PCDHGB1: variants seen among roughly 807,000 people sequenced by gnomAD.
The protein encoded by PCDHGB1 is protocadherin gamma-B1.
In PCDHGB1, 34 loss-of-function variants were observed where a neutral mutation model predicts 56.6. The ratio of observed to expected loss-of-function variants is 0.60; its 90% CI spans 0.46 to 0.80. PCDHGB1 has a LOEUF of 0.80. Among genes scored for constraint, PCDHGB1 ranks in the 30% least tolerant of loss-of-function variants. PCDHGB1 has a pLI of 0.00. For synonymous variants in PCDHGB1, 561 were observed against 505.9 expected, an observed-to-expected ratio of 1.11 and a Z score of -1.46; for missense variants, 1,278 against 1,204.6, an observed-to-expected ratio of 1.06 and a Z score of -0.90.
At chr5:141,430,379 T>C (rs1174248880) in intron 1 of PCDHGB1, among the ~76,000 whole-genome samples, 1 of 149,570 alleles carries the variant, frequency 6.7e-6, no homozygotes, top group Non-Finnish European at 1.5e-5. Flanking sequence ...AAAAAGCTCA[T>C]TGGGAAAAAA....
At chr5:141,392,127 A>G (rs2092470129) in intron 1 of PCDHGB1, 1 of 152,236 alleles carries the variant, frequency 6.6e-6, no homozygotes, top group Admixed American at 6.5e-5. Flanking sequence ...AGCTTGTAAA[A>G]TGATTAAGTA....
chr5:141,414,435 C>T lies in PCDHGB1; in HGVS notation c.2409+61766C>T, dbSNP rs891322256. 4.3e-6 allele frequency: 7 copies of T among 1,613,678 alleles called. No homozygotes were observed. In the African/African-American group the frequency reaches 8.0e-5, roughly 18 times the overall value. On this transcript the variant is annotated intron_variant, in intron 1 of 3. Coordinates refer to ENST00000523390, the MANE Select transcript of PCDHGB1 (RefSeq NM_018922.3). ...GAGCCCTTGACAGGGAACAGGTATC[C>T]TCTTACAATATCACAGTGACAGCCA...
intron 1 of PCDHGB1, chr5:141,367,882 A>C (rs1403559847): frequency 6.6e-6 from 1 of 152,094 alleles, no homozygotes; most frequent in Non-Finnish European, 1.5e-5. Context: ...ATTCTTCTTT[A>C]TTACTTGAGT....
intron 1 of PCDHGB1, chr5:141,362,618 A>G: frequency 6.5e-7 from 1 of 1,536,872 alleles, no homozygotes; most frequent in Non-Finnish European, 8.8e-7. Flanking sequence ...TTGGGTAGGA[A>G]GTTCCACTGC....
At chr5:141,366,305 A>C in intron 1 of PCDHGB1, 2 of 1,613,708 alleles carry the variant, frequency 1.2e-6, no homozygotes, top group South Asian at 1.1e-5. Flanking sequence ...AGCCACCTTC[A>C]CGGTCACCGT....
intron 1 of PCDHGB1, chr5:141,364,745 A>G: frequency 6.2e-7 from 1 of 1,613,986 alleles, no homozygotes; most frequent in Non-Finnish European, 8.5e-7. Context: ...TGAAGAGTTA[A>G]AAGTAAAAGT....
At chr5:141,382,108 G>T (rs1323592761) in intron 1 of PCDHGB1, among the ~76,000 whole-genome samples, 2 of 152,024 alleles carry the variant, frequency 1.3e-5, no homozygotes, top group African/African-American at 4.8e-5. Flanking sequence ...GATTACAGGC[G>T]TGAGCAACAG....
intron 1 of PCDHGB1, chr5:141,441,982 G>T: frequency 3.6e-6 from 1 of 277,096 alleles, no homozygotes; most frequent in South Asian, 3.6e-5. Flanking sequence ...CCTGGAATGC[G>T]CACCGACGAG....
rs1255326344 is a variant in PCDHGB1, at chr5:141,431,636, A to G, written c.2410-63171A>G. 6.2e-7 allele frequency: 1 copy of G among 1,614,254 alleles called. No homozygotes were observed. ...GGACGACAAGGCGGCCCAAGTTTTC[A>G]AACTAGATTGTAATTCAGGGACAAT... On this transcript the variant is annotated intron_variant, in intron 1 of 3. Transcript: ENST00000523390. This position sits in a 1 kb window ranked among gnomAD's most constrained non-coding sequence, Gnocchi z 4.8.
At position 141,365,619 on chromosome 5, in the gene PCDHGB1, C is replaced by T. The variant is rs373801138; in HGVS notation, c.2409+12950C>T. The T allele has an allele frequency of 2.5e-6, 4 of 1,613,488 alleles. No homozygotes were observed. The African/African-American group carries it at 4.0e-5, about 16-fold the overall frequency. Reference sequence around the variant, plus strand: ...TTAACCGTCATGGACCATGGAACCCCGCCCCTCTCTACAGAAAGCCACATC... The same window carrying T: ...TTAACCGTCATGGACCATGGAACCCTGCCCCTCTCTACAGAAAGCCACATC... On this transcript the variant is annotated intron_variant, in intron 1 of 3. Transcript: ENST00000523390.
At position 141,470,884 on chromosome 5, in the gene PCDHGB1, G is replaced by T. The variant is rs2099243316; in HGVS notation, c.2410-23923G>T. 3.3e-5 allele frequency among the ~76,000 whole-genome samples: 5 copies of T among 151,648 alleles called. No individual in the cohort carries two copies. In the South Asian group the frequency reaches 1.0e-3, roughly 32 times the overall value. On this transcript the variant is annotated intron_variant, in intron 1 of 3. Coordinates refer to ENST00000523390, the MANE Select transcript of PCDHGB1 (RefSeq NM_018922.3). ...TTTGTTTGTTTGTTTTTTTGTTTTT[G>T]TTTTTGTTTTTTGTAGAGATGGGAC...
intron 1 of PCDHGB1, chr5:141,410,998 T>C: frequency 5.8e-6 from 1 of 173,396 alleles, no homozygotes; most frequent in South Asian, 1.4e-4. Context: ...GGATTACTGG[T>C]GCCCCTCACC....
rs980109158 is a variant in PCDHGB1 at position 141,375,279 on chromosome 5, G to A, written c.2409+22610G>A. On this transcript the variant is annotated intron_variant, in intron 1 of 3. Transcript: ENST00000523390. ...CCATTTGAATTGGAAAAATCAGTTG[G>A]CAATTATTATCGATTAGTGACAAAT... is the stretch of plus-strand genomic sequence containing the variant. 18 of 1,613,688 alleles carry A rather than the reference G, an allele frequency of 1.1e-5. No individual in the cohort carries two copies. The highest frequency in any genetic ancestry group is 4.2e-6 in the Non-Finnish European group (5 of 1,179,904).
Position 141,432,289 on chromosome 5 carries a change from C to T in PCDHGB1, c.2410-62518C>T, listed in dbSNP as rs762278053. ...CGTCCTACGTGTCCATCAACTCCGACACTGGGGTACTGTATGCGCTGAGCT... is the reference window on the plus strand; with the variant it reads ...CGTCCTACGTGTCCATCAACTCCGATACTGGGGTACTGTATGCGCTGAGCT... On this transcript the variant is annotated intron_variant, in intron 1 of 3. Coordinates refer to ENST00000523390, the MANE Select transcript of PCDHGB1 (RefSeq NM_018922.3). The surrounding 1 kb of genome is among the most constrained non-coding windows in gnomAD (Gnocchi z 6.0). The T allele has an allele frequency of 6.2e-7, 1 of 1,614,266 alleles. No homozygotes were observed. Among genetic ancestry groups the T allele is most frequent in the Admixed American group, 1.7e-5 (1 of 60,038 alleles).
chr5:141,438,358 G>A (rs1160913890), intron 1 of PCDHGB1, among the ~76,000 whole-genome samples: 1 of 151,634 alleles, frequency 6.6e-6, no homozygotes. Context: ...TCTGTGTATT[G>A]TCATTGAGGG....
In PCDHGB1 at chr5:141,477,176, G is replaced by C. The variant is rs766547728; in HGVS notation, c.2410-17631G>C. On this transcript the variant is annotated intron_variant, in intron 1 of 3. Coordinates refer to ENST00000523390, the MANE Select transcript of PCDHGB1 (RefSeq NM_018922.3). This position sits in a 1 kb window ranked among gnomAD's most constrained non-coding sequence, Gnocchi z 4.9. ...GAATGACAACGCCCCGGAGATCACAGTCACCTCCGTGTACAGCCCAGTACC... is the reference window on the plus strand; with the variant it reads ...GAATGACAACGCCCCGGAGATCACACTCACCTCCGTGTACAGCCCAGTACC... The C allele has an allele frequency of 1.2e-6, 2 of 1,614,206 alleles. No individual in the cohort carries two copies. The highest frequency in any genetic ancestry group is 3.3e-5 in the Admixed American group (2 of 60,024).
intron 1 of PCDHGB1, chr5:141,364,306 G>A (rs760708821): frequency 2.6e-6 from 4 of 1,522,568 alleles, no homozygotes; most frequent in East Asian, 4.5e-5. Flanking sequence ...CCAGAACTAA[G>A]AGAAAATTGG....
At chr5:141,467,131 C>A (rs1441537783) in intron 1 of PCDHGB1, among the ~76,000 whole-genome samples, 1 of 151,702 alleles carries the variant, frequency 6.6e-6, no homozygotes, top group African/African-American at 2.4e-5. Flanking sequence ...CAGCTCACTG[C>A]AACCTCTGCC....
At chr5:141,361,278 A>C (rs776923636) in intron 1 of PCDHGB1, 5 of 1,614,014 alleles carry the variant, frequency 3.1e-6, no homozygotes, top group Non-Finnish European at 4.2e-6. Context: ...AAAATGGAGA[A>C]GTTTACTGCC....
Sources: gnomAD v4.1 joint callset for allele counts (sites outside exome capture counted in the v4.1 genomes callset) on GRCh38, gnomAD v4.1.1 for gene constraint, Gnocchi (gnomAD v3.1) non-coding constraint, MANE v1.5 for transcripts, NCBI Gene and HGNC (gene_info 2026-07-23, HGNC 2026-07-21) for gene names.